Variants in VPS13B observed in about 807,000 individuals in gnomAD.
The protein encoded by VPS13B is intermembrane lipid transfer protein VPS13B.
In VPS13B, 285 loss-of-function variants were observed where a neutral mutation model predicts 426.4. That is an observed-to-expected ratio of 0.67 (90% confidence interval 0.61 to 0.74). The LOEUF is 0.74. Ranked by LOEUF, VPS13B falls within the 30% of genes least tolerant of loss-of-function variation. The pLI, the probability that VPS13B is intolerant of heterozygous loss-of-function variation, is 0.00. For synonymous variants in VPS13B, 1,676 were observed against 1,676.4 expected (o/e 1.00, Z 0.01); for missense variants, 4,537 against 4,782.6 (o/e 0.95, Z 1.51).
chr8:99,788,121 C>T (rs544626070), intron 43 of VPS13B, among the ~76,000 whole-genome samples: 2 of 151,924 alleles, frequency 1.3e-5, no homozygotes, highest in South Asian at 4.1e-4. Context: ...CTTTGGGAGG[C>T]TGAGGCAGGA....
intron 39 of VPS13B, among the ~76,000 whole-genome samples, chr8:99,737,718 A>G (rs1833903060): frequency 1.3e-5 from 2 of 152,258 alleles, no homozygotes; most frequent in South Asian, 4.1e-4. Flanking sequence ...AAGTAATTAC[A>G]GATGGCAACC....
At chr8:99,463,019 A>G (rs1818918567) in intron 23 of VPS13B, among the ~76,000 whole-genome samples, 2 of 152,228 alleles carry the variant, frequency 1.3e-5, no homozygotes, top group Non-Finnish European at 1.5e-5. Flanking sequence ...CAAGACAGCT[A>G]TCCATTCCAT....
intron 42 of VPS13B, among the ~76,000 whole-genome samples, chr8:99,784,095 A>G (rs1250358185): frequency 6.6e-6 from 1 of 152,202 alleles, no homozygotes; most frequent in African/African-American, 2.4e-5. Flanking sequence ...ATTTTGAGGG[A>G]GTATAAATCA....
At position 99,835,552 on chromosome 8, in the gene VPS13B, T is replaced by A. The variant is rs758710347; in HGVS notation, c.9756T>A (p.Phe3252Leu). 2 of 1,614,166 alleles carry A rather than the reference T, an allele frequency of 1.2e-6. No individual in the cohort carries two copies. Among genetic ancestry groups the A allele is most frequent in the Non-Finnish European group, 1.7e-6 (2 of 1,180,018 alleles). Residue 3252 changes from phenylalanine (F) to leucine (L), a missense_variant, in exon 54 of 62, where the codon TTT becomes TTA. Physicochemically the swap from Phe to Leu is conservative, Grantham distance 22. This residue lies in a region of VPS13B where 4,311 missense variants were observed against 4,474.3 expected (regional missense o/e 0.96). Transcript: ENST00000357162. Reference protein sequence around the residue: ...IKENIKDIPKFEVYCKKIPSE... With the variant: ...IKENIKDIPKLEVYCKKIPSE... The stretch of plus-strand genomic sequence containing the variant: ...TTAAAATTTCAGATATTCCAAAGTT[T>A]GAGGTTTATTGCAAAAAAATTCCCT...
intron 48 of VPS13B, 123 bp from the exon 49 acceptor site, chr8:99,819,798 A>G (rs767300695): frequency 7.5e-6 from 10 of 1,338,298 alleles, no homozygotes; most frequent in Non-Finnish European, 1.0e-5. Flanking sequence ...TTTAGCATTG[A>G]AAGATTCTGG....
intron 2 of VPS13B, among the ~76,000 whole-genome samples, chr8:99,022,104 G>T (rs942732891): frequency 6.6e-6 from 1 of 151,328 alleles, no homozygotes; most frequent in Non-Finnish European, 1.5e-5. Flanking sequence ...TTGTACTTGT[G>T]CTTTCTTTGT....
At chr8:99,474,640 G>A (rs1472494696) in intron 24 of VPS13B, among the ~76,000 whole-genome samples, 1 of 152,072 alleles carries the variant, frequency 6.6e-6, no homozygotes, top group African/African-American at 2.4e-5. Context: ...ATTATCAGGG[G>A]AAAAACGTCA....
chr8:99,100,376 C>T (rs986053598), intron 4 of VPS13B, among the ~76,000 whole-genome samples: 21 of 152,252 alleles, frequency 1.4e-4, no homozygotes, highest in African/African-American at 4.6e-4. Flanking sequence ...CTGCAACCTC[C>T]GCCTCTGGTG....
rs749404997 is a variant in VPS13B, at chr8:99,111,242, A to T, written c.725A>T (p.Tyr242Phe). ...TTCAGAACTCGTCTTCATTTTACAT[A>T]TGAAAACCTAAATTCCAAGATGCCA... ...CSFRTRLHFTYENLNSKMPSV... is the reference protein window; with the variant it reads ...CSFRTRLHFTFENLNSKMPSV... The change falls in exon 6 of 62, where the codon TAT (tyrosine) becomes TTT (phenylalanine). Residue 242 changes from tyrosine (Y) to phenylalanine (F), a missense_variant. Physicochemically the swap from Tyr to Phe is conservative, Grantham distance 22. This residue lies in a region of VPS13B where 226 missense variants were observed against 308.3 expected (regional missense o/e 0.73). Coordinates refer to ENST00000357162, the MANE Select transcript of VPS13B (RefSeq NM_152564.5). The T allele has an allele frequency of 1.4e-5, 22 of 1,603,546 alleles. No homozygotes were observed. Among genetic ancestry groups the T allele is most frequent in the Non-Finnish European group, 1.9e-5 (22 of 1,176,082 alleles).
intron 28 of VPS13B, among the ~76,000 whole-genome samples, chr8:99,508,252 A>C (rs1821602863): frequency 6.6e-6 from 1 of 152,090 alleles, no homozygotes; most frequent in Non-Finnish European, 1.5e-5. Context: ...TGCCTTTAAA[A>C]ATTTTTTTTC....
chr8:99,172,467 C>A (rs1026318939), intron 16 of VPS13B, among the ~76,000 whole-genome samples: 1 of 152,108 alleles, frequency 6.6e-6, no homozygotes, highest in Non-Finnish European at 1.5e-5. Flanking sequence ...TAAACTCTTT[C>A]TAATTTTCAG....
intron 52 of VPS13B, among the ~76,000 whole-genome samples, chr8:99,834,209 GATTA>G (rs1815243913): frequency 6.6e-6 from 1 of 152,174 alleles, no homozygotes; most frequent in Admixed American, 6.5e-5. Flanking sequence ...TGATTTCTTT[GATTA>G]ATTTTGGCAA....
rs1313912423 is a variant in VPS13B, at chr8:99,750,845, T to C, written c.7051-15929T>C. Among the ~76,000 whole-genome samples the C allele has an allele frequency of 3.9e-5, 6 of 152,308 alleles. No individual in the cohort carries two copies. The South Asian group carries it at 1.2e-3, about 32-fold the overall frequency. On this transcript the variant is annotated intron_variant, in intron 39 of 61. Coordinates refer to ENST00000357162, the MANE Select transcript of VPS13B (RefSeq NM_152564.5). ...ATGATTGGGGAGGGCTGTTTGTTTT[T>C]GTTTTTCTTTTTTGTCAGAGGTGTA...
intron 29 of VPS13B, among the ~76,000 whole-genome samples, chr8:99,515,398 G>C (rs1468478548): frequency 6.8e-6 from 1 of 147,312 alleles, no homozygotes; most frequent in Non-Finnish European, 1.5e-5. Flanking sequence ...TGCTGCTTCT[G>C]CTTCCTCCTC....
chr8:99,655,390 T>C (rs1192911037), intron 34 of VPS13B, among the ~76,000 whole-genome samples: 3 of 152,208 alleles, frequency 2.0e-5, no homozygotes, highest in Admixed American at 2.0e-4. Flanking sequence ...AGAGTGAGAC[T>C]TTTAGATCAA....
intron 13 of VPS13B, among the ~76,000 whole-genome samples, chr8:99,147,298 G>T (rs1442858583): frequency 6.6e-6 from 1 of 152,058 alleles, no homozygotes; most frequent in Non-Finnish European, 1.5e-5. Context: ...TTTTAGTACA[G>T]ATGGGGTTTT....
At chr8:99,718,230 C>A (rs1832999468) in intron 37 of VPS13B, among the ~76,000 whole-genome samples, 1 of 152,060 alleles carries the variant, frequency 6.6e-6, no homozygotes, top group Admixed American at 6.6e-5. Flanking sequence ...TGTGCCACCA[C>A]ACCCAGCTAA....
chr8:99,430,435 G>GC (rs1563726360), intron 21 of VPS13B, among the ~76,000 whole-genome samples: 1 of 151,952 alleles, frequency 6.6e-6, no homozygotes, highest in Non-Finnish European at 1.5e-5. Flanking sequence ...TATAAATTAT[G>GC]TATTTGAATT....
intron 19 of VPS13B, chr8:99,347,099 A>T (rs1233209900): frequency 6.5e-6 from 1 of 153,086 alleles, no homozygotes; most frequent in African/African-American, 2.4e-5. Flanking sequence ...TCTTATGCTC[A>T]ATATTAGTGT....
Sources: allele counts gnomAD v4.1 joint callset (sites outside exome capture counted in the v4.1 genomes callset), GRCh38; gene constraint gnomAD v4.1.1; regional missense constraint gnomAD v4.1.1; transcripts MANE v1.5; gene names NCBI Gene and HGNC (gene_info 2026-07-23, HGNC 2026-07-21).